The following LSAMP variants were observed in gnomAD, a reference collection of about 807,000 sequenced individuals.
The protein encoded by LSAMP is limbic system associated membrane protein.
LSAMP carries 7 observed loss-of-function variants against 38.6 expected under a neutral mutation model. That is an observed-to-expected ratio of 0.18 (90% confidence interval 0.10 to 0.34). The LOEUF is 0.34. Among genes scored for constraint, LSAMP ranks in the 10% least tolerant of loss-of-function variants. LSAMP has a pLI of 1.00. For missense variants in LSAMP, 313 were observed against 420.0 expected (o/e 0.75, Z 2.23); for synonymous variants, 154 against 166.8 (o/e 0.92, Z 0.59).
chr3:116,214,739 G>A lies in LSAMP; in HGVS notation c.156-128183C>T, dbSNP rs370916013. ...GCTCGTCTCAAATTCCTGACCTCAA[G>A]TGATCTGCCTGCCTCAGCCTCCCAA... On this transcript the variant is annotated intron_variant, in intron 1 of 6. Coordinates refer to ENST00000490035, the MANE Select transcript of LSAMP (RefSeq NM_002338.5). Among the ~76,000 whole-genome samples, 25 of 152,078 alleles carry A rather than the reference G, an allele frequency of 1.6e-4. No individual in the cohort carries two copies. In the East Asian group the frequency reaches 3.1e-3, roughly 19 times the overall value.
intron 3 of LSAMP, among the ~76,000 whole-genome samples, chr3:115,877,749 G>A (rs930078771): frequency 4.6e-5 from 7 of 152,024 alleles, no homozygotes; most frequent in Admixed American, 6.6e-5. Context: ...TTCTAATCAC[G>A]TGGGCATGCT....
chr3:115,865,506 A>G (rs376371166), intron 3 of LSAMP, among the ~76,000 whole-genome samples: 5 of 152,186 alleles, frequency 3.3e-5, no homozygotes, highest in African/African-American at 1.2e-4. Context: ...TTCACTTTAA[A>G]AAATTACACA....
chr3:116,051,965 T>A (rs1941404688), intron 2 of LSAMP, among the ~76,000 whole-genome samples: 1 of 152,194 alleles, frequency 6.6e-6, no homozygotes, highest in Non-Finnish European at 1.5e-5. Context: ...TCTTTAAATG[T>A]TGAGCAAAGC....
At chr3:116,261,608 T>C (rs1484309772) in intron 1 of LSAMP, among the ~76,000 whole-genome samples, 6 of 152,166 alleles carry the variant, frequency 3.9e-5, no homozygotes. Flanking sequence ...ATTTTCTGAT[T>C]AAAAAACAAT....
chr3:116,240,662 C>A (rs2046520636), intron 1 of LSAMP, among the ~76,000 whole-genome samples: 1 of 152,144 alleles, frequency 6.6e-6, no homozygotes, highest in South Asian at 2.1e-4. Flanking sequence ...AATTTTTTAA[C>A]CTCATGTCCA....
intron 6 of LSAMP, among the ~76,000 whole-genome samples, chr3:115,836,426 C>G (rs533855332): frequency 6.6e-6 from 1 of 152,154 alleles, no homozygotes; most frequent in African/African-American, 2.4e-5. Context: ...ATAAGGAAAA[C>G]GAAACTTTCC....
At chr3:116,100,654 CAT>C (rs1576362405) in intron 1 of LSAMP, among the ~76,000 whole-genome samples, 1 of 152,154 alleles carries the variant, frequency 6.6e-6, no homozygotes, top group Admixed American at 6.6e-5. Context: ...ATCTGTCTTT[CAT>C]AGTGAACAGA....
intron 1 of LSAMP, among the ~76,000 whole-genome samples, chr3:116,268,399 G>T (rs1393350312): frequency 6.6e-6 from 1 of 151,340 alleles, no homozygotes; most frequent in Non-Finnish European, 1.5e-5. Flanking sequence ...TTCATGTAAG[G>T]CACAATTTAA....
In LSAMP at chr3:115,806,260, C is replaced by G. The variant is rs1205672114; in HGVS notation, c.*4057G>C. ...ACTTTTCTTCCTTTTAAGATCAAAACATTATTCTTAATTTGTCTTATAATA... is the reference window on the plus strand; with the variant it reads ...ACTTTTCTTCCTTTTAAGATCAAAAGATTATTCTTAATTTGTCTTATAATA... On this transcript the variant is annotated 3_prime_UTR_variant, in exon 7 of 7. Transcript: ENST00000490035. 3 of 152,128 alleles carry G rather than the reference C, an allele frequency of 2.0e-5. No individual in the cohort carries two copies. The highest frequency in any genetic ancestry group is 4.4e-5 in the Non-Finnish European group (3 of 68,016). 9.4% of individuals were successfully genotyped at this position (152,128 alleles called of 1,614,324 possible).
intron 2 of LSAMP, among the ~76,000 whole-genome samples, chr3:116,070,827 G>A (rs1707582146): frequency 6.6e-6 from 1 of 152,074 alleles, no homozygotes; most frequent in African/African-American, 2.4e-5. Flanking sequence ...GATCACCTGA[G>A]GTGGGGAGTT....
intron 1 of LSAMP, among the ~76,000 whole-genome samples, chr3:116,373,233 GCA>G (rs1173673951): frequency 2.7e-5 from 4 of 150,330 alleles, no homozygotes; most frequent in Admixed American, 6.6e-5. Flanking sequence ...ATATATATAT[GCA>G]CACACACACA....
intron 1 of LSAMP, among the ~76,000 whole-genome samples, chr3:116,172,813 T>C (rs984236280): frequency 2.6e-5 from 4 of 152,038 alleles, no homozygotes; most frequent in Non-Finnish European, 5.9e-5. Flanking sequence ...TTTTGCTTGA[T>C]AACCTAAAGG....
intron 1 of LSAMP, among the ~76,000 whole-genome samples, chr3:116,172,667 A>G (rs1330518107): frequency 6.6e-6 from 1 of 152,036 alleles, no homozygotes. Context: ...TCTCTCAAGA[A>G]GGACTGCTTT....
chr3:116,439,861 T>TA (rs1265377782), intron 1 of LSAMP, among the ~76,000 whole-genome samples: 2 of 152,230 alleles, frequency 1.3e-5, no homozygotes, highest in East Asian at 3.9e-4. Context: ...CAGCTGGGAC[T>TA]ACAGGTGGGC....
chr3:116,233,816 A>G (rs765061432), intron 1 of LSAMP, among the ~76,000 whole-genome samples: 35 of 152,186 alleles, frequency 2.3e-4, no homozygotes, highest in South Asian at 8.3e-4. Context: ...AATTATTGAT[A>G]TCCTGTGACC....
intron 1 of LSAMP, among the ~76,000 whole-genome samples, chr3:116,230,427 T>C (rs1218070130): frequency 2.0e-5 from 3 of 152,210 alleles, no homozygotes; most frequent in Non-Finnish European, 4.4e-5. Flanking sequence ...ATACCTATCA[T>C]ACTGCTATGC....
intron 3 of LSAMP, among the ~76,000 whole-genome samples, chr3:115,897,931 C>T (rs1400315053): frequency 2.6e-5 from 4 of 152,054 alleles, no homozygotes; most frequent in Admixed American, 6.6e-5. Flanking sequence ...GGCAAAATAC[C>T]GCTTCATGTG....
chr3:116,296,676 C>CA (rs2047339102), intron 1 of LSAMP, among the ~76,000 whole-genome samples: 1 of 109,880 alleles, frequency 9.1e-6, no homozygotes, highest in Admixed American at 1.5e-4. Flanking sequence ...GCCTGGGCGA[C>CA]AGAGCGTGAC....
At chr3:116,222,019 C>T (rs540671358) in intron 1 of LSAMP, among the ~76,000 whole-genome samples, 1 of 152,214 alleles carries the variant, frequency 6.6e-6, no homozygotes, top group Non-Finnish European at 1.5e-5. Context: ...ATTCCCACTC[C>T]ATTGGACTCA....
Sources: gnomAD v4.1 joint callset for allele counts (sites outside exome capture counted in the v4.1 genomes callset) on GRCh38, gnomAD v4.1.1 for gene constraint, MANE v1.5 for transcripts, NCBI Gene and HGNC (gene_info 2026-07-23, HGNC 2026-07-21) for gene names.